Variants in FBN2 observed in about 807,000 individuals in gnomAD.
The protein encoded by FBN2 is fibrillin 2.
In FBN2, 105 loss-of-function variants were observed where a neutral mutation model predicts 355.6. The observed-to-expected ratio is 0.30, with a 90% CI of 0.25 to 0.35. FBN2 has a LOEUF of 0.35. Ranked by LOEUF, FBN2 falls within the 10% of genes least tolerant of loss-of-function variation. The pLI, the probability that FBN2 is intolerant of heterozygous loss-of-function variation, is 1.00. For missense variants in FBN2, 3,280 were observed against 3,758.7 expected, an observed-to-expected ratio of 0.87 and a Z score of 3.33; for synonymous variants, 1,350 against 1,301.2, an observed-to-expected ratio of 1.04 and a Z score of -0.81.
chr5:128,481,463 T>C (rs1174570441), intron 5 of FBN2, among the ~76,000 whole-genome samples: 3 of 152,184 alleles, frequency 2.0e-5, no homozygotes, highest in Non-Finnish European at 2.9e-5. Context: ...GAAGGGATTA[T>C]GGCACAGAGT....
chr5:128,415,605 A>C (rs1267385457), intron 7 of FBN2, among the ~76,000 whole-genome samples: 1 of 152,174 alleles, frequency 6.6e-6, no homozygotes, highest in African/African-American at 2.4e-5. Flanking sequence ...CCAGTCATCC[A>C]GTGACGAATG....
chr5:128,534,990 G>C (rs950985412), intron 2 of FBN2, among the ~76,000 whole-genome samples: 1 of 152,208 alleles, frequency 6.6e-6, no homozygotes, highest in East Asian at 1.9e-4. Context: ...AAAAAACCGT[G>C]TAAGTTTAAA....
intron 48 of FBN2, among the ~76,000 whole-genome samples, chr5:128,296,381 T>G (rs966283077): frequency 6.6e-6 from 1 of 152,098 alleles, no homozygotes; most frequent in Non-Finnish European, 1.5e-5. Context: ...TCCCTCTTTT[T>G]CTATTGATTG....
At chr5:128,368,879 C>G (rs1751856083) in intron 16 of FBN2, among the ~76,000 whole-genome samples, 1 of 151,526 alleles carries the variant, frequency 6.6e-6, no homozygotes, top group African/African-American at 2.4e-5. Flanking sequence ...GGGTCTCACC[C>G]TGGCTTCAAG....
chr5:128,514,387 G>A (rs1756222312), intron 5 of FBN2, among the ~76,000 whole-genome samples: 1 of 151,866 alleles, frequency 6.6e-6, no homozygotes, highest in Non-Finnish European at 1.5e-5. Context: ...CTTACTTTTT[G>A]TTCCTACTCC....
At chr5:128,479,620 A>C (rs10042096) in intron 5 of FBN2, among the ~76,000 whole-genome samples, 32,431 of 151,742 alleles carry the variant, frequency 0.21, 6,086 homozygotes, top group African/African-American at 0.51. Context: ...GATTCACATA[A>C]ATTTCTTCTT....
At chr5:128,275,196 CCCT>C (rs1765360202) in intron 59 of FBN2, among the ~76,000 whole-genome samples, 1 of 151,992 alleles carries the variant, frequency 6.6e-6, no homozygotes, top group Non-Finnish European at 1.5e-5. Flanking sequence ...GATATTTGGA[CCCT>C]ACTAATTAAA....
intron 15 of FBN2, among the ~76,000 whole-genome samples, chr5:128,370,898 G>A (rs574785191): frequency 2.0e-5 from 3 of 152,118 alleles, no homozygotes; most frequent in Admixed American, 6.5e-5. Context: ...TAGGTTTTAC[G>A]GACATAAACT....
intron 7 of FBN2, among the ~76,000 whole-genome samples, chr5:128,435,717 CTT>C (rs1214379776): frequency 6.6e-6 from 1 of 152,054 alleles, no homozygotes; most frequent in African/African-American, 2.4e-5. Context: ...TAATTTTCCT[CTT>C]GTTACTGGGA....
chr5:128,277,123 G>A (rs1581181954), intron 58 of FBN2, among the ~76,000 whole-genome samples: 1 of 152,082 alleles, frequency 6.6e-6, no homozygotes, highest in Non-Finnish European at 1.5e-5. Context: ...ACCTTTTAAT[G>A]CCAAGTGTGC....
intron 11 of FBN2, among the ~76,000 whole-genome samples, chr5:128,387,465 G>T (rs1368632972): frequency 6.6e-6 from 1 of 151,874 alleles, no homozygotes; most frequent in Admixed American, 6.6e-5. Flanking sequence ...AACTTCATTC[G>T]GTTCAGCTCT....
chr5:128,280,371 C>T, intron 55 of FBN2, 54 bp from the exon 56 acceptor site: 1 of 1,394,452 alleles, frequency 7.2e-7, no homozygotes, highest in Non-Finnish European at 1.0e-6. Context: ...TTATAGTTTA[C>T]AAGCTATCTT....
At chr5:128,368,252 C>G (rs957596288) in intron 16 of FBN2, among the ~76,000 whole-genome samples, 8 of 151,752 alleles carry the variant, frequency 5.3e-5, no homozygotes, top group African/African-American at 1.9e-4. Flanking sequence ...ACTGTACTTA[C>G]GTATATTCAA....
intron 25 of FBN2, among the ~76,000 whole-genome samples, chr5:128,340,740 T>C (rs1407730004): frequency 6.6e-6 from 1 of 152,204 alleles, no homozygotes; most frequent in African/African-American, 2.4e-5. Context: ...ATCCACCTCA[T>C]AGAGTTAAAT....
chr5:128,446,210 A>C (rs181566088), intron 7 of FBN2: 13 of 324,788 alleles, frequency 4.0e-5, no homozygotes, highest in Non-Finnish European at 7.1e-5. Context: ...TACTTTATTA[A>C]GAAGAAACAT....
intron 19 of FBN2, 124 bp downstream of exon 19, chr5:128,361,599 G>T: frequency 8.1e-7 from 1 of 1,239,786 alleles, no homozygotes; most frequent in Non-Finnish European, 1.2e-6. Context: ...TTAGCTAAAT[G>T]AGATTATAAA....
intron 8 of FBN2, 104 bp from the exon 9 acceptor site, chr5:128,395,378 T>C: frequency 1.7e-6 from 2 of 1,160,158 alleles, no homozygotes; most frequent in East Asian, 2.4e-5. Flanking sequence ...TCATACCACT[T>C]AATCTCTGTT....
chr5:128,306,084 A>G (rs1428865256), intron 42 of FBN2, 136 bp from the exon 43 acceptor site: 3 of 827,500 alleles, frequency 3.6e-6, no homozygotes, highest in African/African-American at 1.7e-5. Flanking sequence ...ATACTAGTAT[A>G]GCTAATTTTT....
chr5:128,518,193 G>A (rs1490887450), intron 5 of FBN2, among the ~76,000 whole-genome samples: 8 of 152,064 alleles, frequency 5.3e-5, no homozygotes, highest in Admixed American at 2.6e-4. Context: ...GCCCTGCACC[G>A]CAACTCAGCT....
Sources: gnomAD v4.1 joint callset for allele counts (sites outside exome capture counted in the v4.1 genomes callset) on GRCh38, gnomAD v4.1.1 for gene constraint, MANE v1.5 for transcripts, NCBI Gene and HGNC (gene_info 2026-07-23, HGNC 2026-07-21) for gene names.